The following PDSS2 variants were observed in gnomAD, a reference collection of about 807,000 sequenced individuals.
PDSS2 encodes decaprenyl diphosphate synthase subunit 2.
In PDSS2, 31 loss-of-function variants were observed where a neutral mutation model predicts 44.5. The observed-to-expected ratio is 0.70, with a 90% confidence interval of 0.52 to 0.94. PDSS2 has a LOEUF of 0.94. PDSS2 is among the 40% of genes least tolerant of loss of function. The pLI is 0.00. For missense variants in PDSS2, 452 were observed against 482.2 expected, an observed-to-expected ratio of 0.94 and a Z score of 0.59; for synonymous variants, 157 against 180.3, an observed-to-expected ratio of 0.87 and a Z score of 1.03.
chr6:107,184,152 C>T (rs943682928), intron 7 of PDSS2, among the ~76,000 whole-genome samples: 26 of 152,032 alleles, frequency 1.7e-4, no homozygotes, highest in African/African-American at 5.5e-4. Flanking sequence ...CAGCATCTGC[C>T]CAAGAAAGGG....
chr6:107,160,189 CTGGGGG>C (rs1554246476), intron 7 of PDSS2, among the ~76,000 whole-genome samples: 2 of 152,076 alleles, frequency 1.3e-5, no homozygotes, highest in East Asian at 3.8e-4. Flanking sequence ...GCAATCCAGC[CTGGGGG>C]CTGCAGTGCG....
intron 2 of PDSS2, among the ~76,000 whole-genome samples, chr6:107,316,282 C>T (rs7773295): frequency 0.16 from 23,921 of 152,054 alleles, 2,457 homozygotes; most frequent in East Asian, 0.31. Flanking sequence ...GCTATATATA[C>T]ATCACTTTAA....
At chr6:107,258,571 G>A (rs1775103742) in intron 3 of PDSS2, among the ~76,000 whole-genome samples, 1 of 152,194 alleles carries the variant, frequency 6.6e-6, no homozygotes, top group South Asian at 2.1e-4. Flanking sequence ...GGAGGCCGAG[G>A]CAGGCAGATC....
chr6:107,445,081 G>A (rs1179247538), intron 1 of PDSS2, among the ~76,000 whole-genome samples: 2 of 152,012 alleles, frequency 1.3e-5, no homozygotes, highest in Non-Finnish European at 2.9e-5. Context: ...TATTGGAAAA[G>A]TATTGGTCAC....
intron 1 of PDSS2, among the ~76,000 whole-genome samples, chr6:107,449,902 C>T (rs1435376247): frequency 6.6e-6 from 1 of 152,094 alleles, no homozygotes; most frequent in South Asian, 2.1e-4. Context: ...AATAATATTC[C>T]ATGGTAATAT....
At chr6:107,411,866 A>ACTT (rs199528764) in intron 1 of PDSS2, among the ~76,000 whole-genome samples, 51 of 136,474 alleles carry the variant, frequency 3.7e-4, no homozygotes, top group Admixed American at 1.2e-3. Context: ...GAATAACTGT[A>ACTT]CTTCTTCTTC....
intron 3 of PDSS2, among the ~76,000 whole-genome samples, chr6:107,269,373 T>TGTGTGC (rs1400149188): frequency 6.8e-6 from 1 of 147,470 alleles, no homozygotes; most frequent in South Asian, 2.2e-4. Flanking sequence ...TGTGTGTGTG[T>TGTGTGC]GTGCAATTTA....
At chr6:107,287,506 T>G (rs1212200436) in intron 2 of PDSS2, among the ~76,000 whole-genome samples, 1 of 151,980 alleles carries the variant, frequency 6.6e-6, no homozygotes, top group Non-Finnish European at 1.5e-5. Context: ...ACATAAACAT[T>G]TTTTTAATTA....
chr6:107,346,826 AT>A (rs1269572544), intron 1 of PDSS2, among the ~76,000 whole-genome samples: 1 of 152,178 alleles, frequency 6.6e-6, no homozygotes, highest in Non-Finnish European at 1.5e-5. Context: ...TTTAAAAAAT[AT>A]TTTTCTCCTG....
chr6:107,322,280 G>C (rs1777404554), intron 2 of PDSS2, among the ~76,000 whole-genome samples: 1 of 150,802 alleles, frequency 6.6e-6, no homozygotes, highest in African/African-American at 2.4e-5. Flanking sequence ...AGCACTTTGG[G>C]AGGCCAAGGC....
intron 1 of PDSS2, among the ~76,000 whole-genome samples, chr6:107,338,361 G>A (rs548856095): frequency 6.6e-6 from 1 of 152,256 alleles, no homozygotes; most frequent in South Asian, 2.1e-4. Flanking sequence ...ATCTAGGAAG[G>A]CTAGCTTAGA....
chr6:107,292,100 G>A (rs909688301), intron 2 of PDSS2, among the ~76,000 whole-genome samples: 2 of 151,928 alleles, frequency 1.3e-5, no homozygotes, highest in Admixed American at 1.3e-4. Flanking sequence ...TCTGCAGCTG[G>A]TCTCAGTTCA....
intron 2 of PDSS2, among the ~76,000 whole-genome samples, chr6:107,286,186 T>C (rs1223486482): frequency 7.1e-6 from 1 of 140,400 alleles, no homozygotes; most frequent in Non-Finnish European, 1.6e-5. Flanking sequence ...ATTTGAGGAG[T>C]TAAAATAAAC....
chr6:107,192,931 G>A (rs551858256), intron 7 of PDSS2, among the ~76,000 whole-genome samples: 13 of 152,242 alleles, frequency 8.5e-5, no homozygotes, highest in East Asian at 3.9e-4. Context: ...GTTGTCCCAC[G>A]GCAAGCAGAG....
chr6:107,441,394 G>C (rs1781505922), intron 1 of PDSS2, among the ~76,000 whole-genome samples: 1 of 152,218 alleles, frequency 6.6e-6, no homozygotes, highest in South Asian at 2.1e-4. Flanking sequence ...TGAAAATTGA[G>C]AAAGGCTGCC....
chr6:107,242,583 C>A (rs1308021837), intron 4 of PDSS2, among the ~76,000 whole-genome samples: 1 of 152,154 alleles, frequency 6.6e-6, no homozygotes, highest in African/African-American at 2.4e-5. Context: ...CTTGCTGTCA[C>A]CCAGGCTGGA....
At chr6:107,229,181 A>C (rs1773945853) in intron 4 of PDSS2, among the ~76,000 whole-genome samples, 2 of 152,002 alleles carry the variant, frequency 1.3e-5, no homozygotes, top group South Asian at 4.2e-4. Flanking sequence ...ATTTTTTCCT[A>C]TTTCTGTTTG....
At chr6:107,184,597 T>C (rs1441456733) in intron 7 of PDSS2, among the ~76,000 whole-genome samples, 1 of 152,228 alleles carries the variant, frequency 6.6e-6, no homozygotes, top group Non-Finnish European at 1.5e-5. Context: ...TCTATGCAAA[T>C]GCATTTTATA....
intron 3 of PDSS2, 141 bp from the exon 4 acceptor site, chr6:107,245,760 A>G (rs1774593544): frequency 1.9e-6 from 1 of 531,032 alleles, no homozygotes; most frequent in Non-Finnish European, 3.2e-6. Context: ...CCAAGATCTC[A>G]GCAAATGGCA....
Sources: gnomAD v4.1 joint callset for allele counts (sites outside exome capture counted in the v4.1 genomes callset) on GRCh38, gnomAD v4.1.1 for gene constraint, MANE v1.5 for transcripts, NCBI Gene and HGNC (gene_info 2026-07-23, HGNC 2026-07-21) for gene names.